Variants in NELL1 observed in about 807,000 individuals in gnomAD.
NELL1 encodes protein kinase C-binding protein NELL1.
In NELL1, 76 loss-of-function variants were observed where a neutral mutation model predicts 107.4. That is an observed-to-expected ratio of 0.71 (90% CI 0.59 to 0.86). NELL1 has a LOEUF of 0.86. Among genes scored for constraint, NELL1 ranks in the 40% least tolerant of loss-of-function variants. The pLI is 0.00. For synonymous variants in NELL1, 353 were observed against 341.2 expected, an observed-to-expected ratio of 1.03 and a Z score of -0.38; for missense variants, 1,024 against 1,005.5, an observed-to-expected ratio of 1.02 and a Z score of -0.25.
intron 15 of NELL1, among the ~76,000 whole-genome samples, chr11:21,497,791 T>G (rs186144963): frequency 2.1e-4 from 32 of 152,222 alleles, no homozygotes; most frequent in African/African-American, 7.5e-4. Context: ...TTATGTCAGA[T>G]TCTACTTGAA....
intron 12 of NELL1, among the ~76,000 whole-genome samples, chr11:21,061,160 T>C (rs1853732564): frequency 6.6e-6 from 1 of 152,228 alleles, no homozygotes; most frequent in Non-Finnish European, 1.5e-5. Flanking sequence ...ATCCTGGGGA[T>C]ACAACAGTAA....
intron 4 of NELL1, among the ~76,000 whole-genome samples, chr11:20,857,936 C>G (rs1384002691): frequency 2.0e-5 from 3 of 152,178 alleles, no homozygotes; most frequent in African/African-American, 7.2e-5. Context: ...CTCCAGTATT[C>G]CTTGATAAAG....
intron 15 of NELL1, among the ~76,000 whole-genome samples, chr11:21,420,253 CACTT>C (rs1200267784): frequency 6.6e-6 from 1 of 152,092 alleles, no homozygotes; most frequent in Non-Finnish European, 1.5e-5. Flanking sequence ...TTGCACTACT[CACTT>C]AATAGTACAT....
intron 12 of NELL1, among the ~76,000 whole-genome samples, chr11:20,975,776 A>T (rs1851601929): frequency 7.8e-6 from 1 of 127,626 alleles, no homozygotes; most frequent in Non-Finnish European, 1.6e-5. Context: ...GTATTATATG[A>T]TATACATATT....
intron 13 of NELL1, among the ~76,000 whole-genome samples, chr11:21,120,351 T>C (rs1855336840): frequency 6.6e-6 from 1 of 152,170 alleles, no homozygotes; most frequent in African/African-American, 2.4e-5. Context: ...TTTTGGTCAA[T>C]TATATTGATG....
At chr11:21,124,073 G>A (rs534396741) in intron 13 of NELL1, among the ~76,000 whole-genome samples, 1 of 152,120 alleles carries the variant, frequency 6.6e-6, no homozygotes, top group Admixed American at 6.5e-5. Context: ...AGAGAACAGA[G>A]GGTATCTCTG....
chr11:20,819,602 A>G (rs77290531), intron 3 of NELL1, among the ~76,000 whole-genome samples: 6,997 of 152,286 alleles, frequency 0.046, 470 homozygotes, highest in African/African-American at 0.15. Context: ...AAAGTTTCAG[A>G]TGAGGGTAAG....
chr11:20,786,598 T>C (rs1856964088), intron 3 of NELL1, among the ~76,000 whole-genome samples: 1 of 152,000 alleles, frequency 6.6e-6, no homozygotes. Context: ...CATATGGGTC[T>C]ACAGCAAGAC....
intron 12 of NELL1, among the ~76,000 whole-genome samples, chr11:21,073,829 T>G (rs1332174896): frequency 6.6e-6 from 1 of 152,134 alleles, no homozygotes; most frequent in Admixed American, 6.6e-5. Flanking sequence ...TTAATTCGAG[T>G]GCTATAAATA....
chr11:21,237,241 A>G (rs927235169), intron 14 of NELL1, among the ~76,000 whole-genome samples: 25 of 152,264 alleles, frequency 1.6e-4, no homozygotes, highest in African/African-American at 5.1e-4. Flanking sequence ...CAATAATGTT[A>G]TCAAGGTAGA....
Position 21,553,378 on chromosome 11 carries a change from G to A in NELL1, c.1787-6811G>A, listed in dbSNP as rs1313238196. On this transcript the variant is annotated intron_variant, in intron 16 of 19. Coordinates refer to ENST00000357134, the MANE Select transcript of NELL1 (RefSeq NM_006157.5). ...ATACTCATTAAGGGAGAGCAGAAAT[G>A]TTTCAATAATTATGGAATGTCCAAG... Among the ~76,000 whole-genome samples the A allele has an allele frequency of 4.6e-5, 7 of 151,744 alleles. 1 individual carries two copies. Among genetic ancestry groups the A allele is most frequent in the Non-Finnish European group, 8.8e-5 (6 of 67,858 alleles).
At chr11:21,168,480 C>A (rs10833470) in intron 13 of NELL1, among the ~76,000 whole-genome samples, 50,185 of 151,356 alleles carry the variant, frequency 0.33, 8,694 homozygotes, top group Middle Eastern at 0.4. Flanking sequence ...TTCTCTTTAC[C>A]TTTCCCTAAC....
chr11:20,838,703 A>G (rs1028604089), intron 3 of NELL1, among the ~76,000 whole-genome samples: 2 of 152,072 alleles, frequency 1.3e-5, no homozygotes, highest in Admixed American at 6.5e-5. Flanking sequence ...TGAAGATTAT[A>G]TTTCTTGTTT....
At chr11:20,814,121 G>A (rs1216869519) in intron 3 of NELL1, among the ~76,000 whole-genome samples, 4 of 151,530 alleles carry the variant, frequency 2.6e-5, no homozygotes, top group East Asian at 3.9e-4. Context: ...TCAGCCTCCC[G>A]AGTAGTTGGG....
At chr11:20,671,789 A>G in intron 1 of NELL1, among the ~76,000 whole-genome samples, 2 of 151,496 alleles carry the variant, frequency 1.3e-5, no homozygotes, top group Non-Finnish European at 2.9e-5. Flanking sequence ...GGTGGTGGAG[A>G]GGTAGGAGTA....
chr11:21,294,465 G>A (rs1849334554), intron 14 of NELL1, among the ~76,000 whole-genome samples: 1 of 152,070 alleles, frequency 6.6e-6, no homozygotes, highest in Non-Finnish European at 1.5e-5. Flanking sequence ...CCAGCACAGT[G>A]CCTTACATAT....
At chr11:20,894,294 T>C (rs1462720711) in intron 5 of NELL1, among the ~76,000 whole-genome samples, 1 of 152,120 alleles carries the variant, frequency 6.6e-6, no homozygotes, top group Non-Finnish European at 1.5e-5. Context: ...TATATTAAAA[T>C]TTGGAACTTT....
chr11:21,112,054 T>C (rs1855119528), intron 12 of NELL1, among the ~76,000 whole-genome samples: 1 of 152,210 alleles, frequency 6.6e-6, no homozygotes, highest in East Asian at 1.9e-4. Context: ...AATAATTCCT[T>C]GCCTTCATCA....
At chr11:21,504,309 C>G (rs1292297629) in intron 15 of NELL1, 1 of 152,174 alleles carries the variant, frequency 6.6e-6, no homozygotes, top group Non-Finnish European at 1.5e-5. Flanking sequence ...CAAATCCATT[C>G]ACGTTCATTA....
Sources: gnomAD v4.1 joint callset for allele counts (sites outside exome capture counted in the v4.1 genomes callset) on GRCh38, gnomAD v4.1.1 for gene constraint, MANE v1.5 for transcripts, NCBI Gene and HGNC (gene_info 2026-07-23, HGNC 2026-07-21) for gene names.